ADK: variants seen among roughly 807,000 people sequenced by gnomAD.
The protein encoded by ADK is N6,N6-dimethyladenosine kinase.
ADK carries 24 observed loss-of-function variants against 44.7 expected under a neutral mutation model. The observed-to-expected ratio is 0.54, with a 90% CI of 0.39 to 0.76. The LOEUF (loss-of-function observed/expected upper bound fraction) is 0.76, where lower values mean the gene tolerates loss of function less well. ADK is among the 30% of genes least tolerant of loss of function. The probability of loss-of-function intolerance (pLI) is 0.00; values close to 1 mark genes in which losing one functional copy is unlikely to be tolerated. For missense variants in ADK, 321 were observed against 425.1 expected, an observed-to-expected ratio of 0.76 and a Z score of 2.15; for synonymous variants, 128 against 142.6, an observed-to-expected ratio of 0.90 and a Z score of 0.73.
At chr10:74,705,788 C>T (rs116340911) in intron 10 of ADK, among the ~76,000 whole-genome samples, 185 of 152,334 alleles carry the variant, frequency 1.2e-3, no homozygotes, top group African/African-American at 4.2e-3. Flanking sequence ...CACACCCTTG[C>T]CAACACTTGT....
chr10:74,417,183 G>A (rs1477512737), intron 6 of ADK, among the ~76,000 whole-genome samples: 1 of 152,008 alleles, frequency 6.6e-6, no homozygotes, highest in Non-Finnish European at 1.5e-5. Context: ...ATAAAGTGGG[G>A]AATCAGACTC....
chr10:74,317,045 G>A (rs999882572), intron 4 of ADK, among the ~76,000 whole-genome samples: 6 of 152,126 alleles, frequency 3.9e-5, no homozygotes, highest in African/African-American at 1.2e-4. Flanking sequence ...CATGTATCAA[G>A]TGATATGGCA....
chr10:74,322,937 C>T (rs1840867795), intron 4 of ADK, among the ~76,000 whole-genome samples: 1 of 151,850 alleles, frequency 6.6e-6, no homozygotes, highest in African/African-American at 2.4e-5. Context: ...TCTGTCTTAG[C>T]AGTTATGGTT....
chr10:74,280,982 A>G (rs1351355649), intron 3 of ADK, among the ~76,000 whole-genome samples: 1 of 152,240 alleles, frequency 6.6e-6, no homozygotes, highest in Non-Finnish European at 1.5e-5. Context: ...GGTTTACCAC[A>G]CTGGTTTATA....
intron 3 of ADK, among the ~76,000 whole-genome samples, chr10:74,244,632 G>A (rs1161836729): frequency 1.3e-5 from 2 of 152,110 alleles, no homozygotes; most frequent in Non-Finnish European, 2.9e-5. Flanking sequence ...TTTGTTTCAA[G>A]ATTTCTTTAT....
intron 3 of ADK, among the ~76,000 whole-genome samples, chr10:74,241,574 C>T (rs1443480997): frequency 2.0e-5 from 3 of 152,122 alleles, no homozygotes; most frequent in East Asian, 1.9e-4. Context: ...TTAGTAGAGA[C>T]GGGGTTTCAC....
chr10:74,288,830 T>C (rs1173606116), intron 3 of ADK, among the ~76,000 whole-genome samples: 1 of 152,206 alleles, frequency 6.6e-6, no homozygotes, highest in Non-Finnish European at 1.5e-5. Flanking sequence ...CAGTAGAAAA[T>C]AGGATCTAAA....
At chr10:74,230,046 C>CTTTT (rs5786138) in intron 3 of ADK, among the ~76,000 whole-genome samples, 1 of 116,204 alleles carries the variant, frequency 8.6e-6, no homozygotes, top group Admixed American at 8.9e-5. Context: ...TTAAAAGAAT[C>CTTTT]TTTTTTTTTT....
At chr10:74,251,894 C>CT (rs566363104) in intron 3 of ADK, among the ~76,000 whole-genome samples, 51,199 of 99,454 alleles carry the variant, frequency 0.51, 14,662 homozygotes, top group Non-Finnish European at 0.56. Context: ...GTGGCAGATA[C>CT]TTTTTTTTTT....
At chr10:74,667,462 C>A (rs914211129) in intron 9 of ADK, among the ~76,000 whole-genome samples, 2 of 149,700 alleles carry the variant, frequency 1.3e-5, no homozygotes, top group East Asian at 3.9e-4. Flanking sequence ...ATATATATAT[C>A]TCCAGAAAAA....
chr10:74,624,507 A>G lies in ADK; in HGVS notation c.877+24014A>G, dbSNP rs117579669. Among the ~76,000 whole-genome samples the G allele has an allele frequency of 4.9e-4, 75 of 152,214 alleles. 2 individuals are homozygous for G. The East Asian group carries it at 0.014, about 28-fold the overall frequency. ...TTATTTATCATGGTAAATTTTGCTT[A>G]TACTTAATTATTTCCTCTAGTCCTA... On this transcript the variant is annotated intron_variant, in intron 9 of 10. Coordinates refer to ENST00000539909, the MANE Select transcript of ADK (RefSeq NM_006721.4).
intron 6 of ADK, among the ~76,000 whole-genome samples, chr10:74,453,711 T>C (rs1011040258): frequency 2.6e-5 from 4 of 152,138 alleles, no homozygotes; most frequent in African/African-American, 9.6e-5. Context: ...TTCATTGATT[T>C]CATTAAAAGT....
chr10:74,300,189 A>G (rs1839959601), intron 3 of ADK, among the ~76,000 whole-genome samples: 1 of 149,566 alleles, frequency 6.7e-6, no homozygotes, highest in African/African-American at 2.5e-5. Flanking sequence ...CCTGGCTAAT[A>G]CATTATTTCT....
intron 6 of ADK, among the ~76,000 whole-genome samples, chr10:74,512,976 C>T (rs1459731455): frequency 6.6e-6 from 1 of 151,974 alleles, no homozygotes; most frequent in Non-Finnish European, 1.5e-5. Flanking sequence ...TCCTTTGTGT[C>T]AAAGAATTTT....
chr10:74,528,544 T>A (rs1849153352), intron 7 of ADK, among the ~76,000 whole-genome samples: 1 of 151,442 alleles, frequency 6.6e-6, no homozygotes, highest in South Asian at 2.1e-4. Flanking sequence ...AATTAACAAT[T>A]TTTGGGCATC....
intron 9 of ADK, among the ~76,000 whole-genome samples, chr10:74,619,104 T>C (rs1035822714): frequency 2.0e-5 from 3 of 151,496 alleles, no homozygotes; most frequent in Admixed American, 6.6e-5. Flanking sequence ...TATTTTGCAC[T>C]GACCTGGCAT....
chr10:74,316,344 G>A (rs919973841), intron 4 of ADK, among the ~76,000 whole-genome samples: 4 of 152,166 alleles, frequency 2.6e-5, no homozygotes, highest in African/African-American at 9.7e-5. Context: ...CTAGAACTGG[G>A]GGTGATATGG....
At chr10:74,663,343 A>G (rs1313941001) in intron 9 of ADK, among the ~76,000 whole-genome samples, 1 of 151,644 alleles carries the variant, frequency 6.6e-6, no homozygotes, top group Non-Finnish European at 1.5e-5. Flanking sequence ...GGCCTCATAA[A>G]AGCAGAGTTT....
intron 6 of ADK, among the ~76,000 whole-genome samples, chr10:74,493,499 GAGATAT>G (rs964665415): frequency 6.6e-6 from 1 of 150,898 alleles, no homozygotes; most frequent in African/African-American, 2.4e-5. Flanking sequence ...GATATAGAGA[GAGATAT>G]AGATATATAG....
Sources: gnomAD v4.1 joint callset for allele counts (sites outside exome capture counted in the v4.1 genomes callset) on GRCh38, gnomAD v4.1.1 for gene constraint, MANE v1.5 for transcripts, NCBI Gene and HGNC (gene_info 2026-07-23, HGNC 2026-07-21) for gene names.